RFFL: variants seen among roughly 807,000 people sequenced by gnomAD.
The protein encoded by RFFL is ring finger and FYVE like domain containing E3 ubiquitin protein ligase.
A neutral mutation model predicts 40.4 loss-of-function variants in RFFL; 16 were observed. The ratio of observed to expected loss-of-function variants is 0.40; its 90% CI spans 0.27 to 0.60. The LOEUF is 0.60. Ranked by LOEUF, RFFL falls within the 20% of genes least tolerant of loss-of-function variation. The pLI is 0.47. For missense variants in RFFL, 367 were observed against 451.7 expected (o/e 0.81, Z 1.70); for synonymous variants, 154 against 167.9 (o/e 0.92, Z 0.64).
intron 2 of RFFL, among the ~76,000 whole-genome samples, chr17:35,025,030 T>A (rs945618357): frequency 2.0e-5 from 3 of 152,194 alleles, no homozygotes; most frequent in Non-Finnish European, 4.4e-5. Flanking sequence ...TGTCACATCG[T>A]ATGGTGTGCA....
At chr17:35,058,373 T>C (rs2091272376) in intron 1 of RFFL, among the ~76,000 whole-genome samples, 1 of 152,216 alleles carries the variant, frequency 6.6e-6, no homozygotes, top group African/African-American at 2.4e-5. Flanking sequence ...TGACTCTATA[T>C]GCAGCCAAAT....
chr17:35,057,577 C>T (rs1216484472), intron 1 of RFFL, among the ~76,000 whole-genome samples: 3 of 150,384 alleles, frequency 2.0e-5, no homozygotes, highest in African/African-American at 7.4e-5. Context: ...TCAGGTAACT[C>T]CCAAAAGTGA....
Position 35,042,841 on chromosome 17 carries a change from A to AG in RFFL, c.-8-16281_-8-16280insC, listed in dbSNP as rs1437212601. On this transcript the variant is annotated intron_variant, in intron 1 of 6. Transcript: ENST00000394597. ...TCCATCTCAAAAAAAAAAAAAAAAA[A>AG]AAAGAAAAGAAAAAAGAATTCAGAA... Among the ~76,000 whole-genome samples the AG allele has an allele frequency of 4.0e-5, 6 of 151,242 alleles. No individual in the cohort carries two copies. The East Asian group carries it at 1.2e-3, about 29-fold the overall frequency.
chr17:35,069,435 G>T, intron 1 of RFFL: 1 of 430,262 alleles, frequency 2.3e-6, no homozygotes, highest in South Asian at 1.7e-5. Context: ...AGAAATAAAA[G>T]GATACGACTG....
At chr17:35,070,862 G>T (rs769161515) in intron 1 of RFFL, among the ~76,000 whole-genome samples, 2 of 152,124 alleles carry the variant, frequency 1.3e-5, no homozygotes, top group Non-Finnish European at 2.9e-5. Flanking sequence ...GTAATCTGAT[G>T]AACTTAAAAA....
chr17:35,014,561 C>G (rs143090808), intron 6 of RFFL, among the ~76,000 whole-genome samples, 179 bp downstream of exon 6: 1 of 152,168 alleles, frequency 6.6e-6, no homozygotes, highest in Non-Finnish European at 1.5e-5. Flanking sequence ...TCCTGCACAG[C>G]GAGCAGAGAG....
chr17:35,012,081 C>G lies in RFFL; in HGVS notation c.979G>C (p.Val327Leu), dbSNP rs775968102. The G allele has an allele frequency of 3.1e-6, 5 of 1,614,178 alleles. No individual in the cohort carries two copies. In the East Asian group the frequency reaches 8.9e-5, roughly 29 times the overall value. The change falls in exon 7 of 7, where the codon GTT (valine) becomes CTT (leucine). Residue 327 changes from valine (V) to leucine (L), a missense_variant. Val to Leu is a conservative substitution (Grantham distance 32). Coordinates refer to ENST00000394597, the MANE Select transcript of RFFL (RefSeq NM_001017368.2). ...KICMDSPIDCVLLECGHMVTC... is the reference protein window; with the variant it reads ...KICMDSPIDCLLLECGHMVTC... ...ACCATGTGGCCACACTCCAGAAGAA[C>G]ACAGTCAATGGGTGAGTCCATGCAG...
At chr17:35,052,889 G>C (rs2091239891) in intron 1 of RFFL, among the ~76,000 whole-genome samples, 1 of 152,222 alleles carries the variant, frequency 6.6e-6, no homozygotes, top group African/African-American at 2.4e-5. Context: ...TCAGGAAGAA[G>C]TGATTACTCC....
chr17:35,045,149 G>T (rs2091191167), intron 1 of RFFL, among the ~76,000 whole-genome samples: 1 of 152,170 alleles, frequency 6.6e-6, no homozygotes, highest in Admixed American at 6.5e-5. Context: ...CAAGGTCCTT[G>T]AATCTCATAA....
chr17:35,034,818 G>A (rs911591062), intron 1 of RFFL, among the ~76,000 whole-genome samples: 11 of 152,036 alleles, frequency 7.2e-5, no homozygotes, highest in African/African-American at 2.7e-4. Flanking sequence ...GAGCTGCCAC[G>A]CCCAGCAAAA....
Position 35,016,357 on chromosome 17 carries a change from G to C in RFFL, c.886+13C>G. On this transcript the variant is annotated intron_variant, in intron 5 of 6. Coordinates refer to ENST00000394597, the MANE Select transcript of RFFL (RefSeq NM_001017368.2). ...CTGAGCTCTGTAAAGCTACCATGCA[G>C]ATAGCCCCTCACCCAGGTGCTGGAG... The C allele has an allele frequency of 6.2e-7, 1 of 1,611,830 alleles. No homozygotes were observed. The highest frequency in any genetic ancestry group is 1.1e-5 in the South Asian group (1 of 91,034).
At chr17:35,032,094 CAAAAAAAAA>C (rs11308568) in intron 1 of RFFL, among the ~76,000 whole-genome samples, 5 of 82,170 alleles carry the variant, frequency 6.1e-5, no homozygotes, top group African/African-American at 1.8e-4. Flanking sequence ...GACTCCGTCT[CAAAAAAAAA>C]AAAAAAAAGA....
chr17:35,039,192 C>G (rs1476695642), intron 1 of RFFL, among the ~76,000 whole-genome samples: 1 of 152,034 alleles, frequency 6.6e-6, no homozygotes, highest in Non-Finnish European at 1.5e-5. Flanking sequence ...CAGACATGGG[C>G]CCCTGCACCC....
At position 35,031,146 on chromosome 17, in the gene RFFL, G is replaced by A. The variant is rs571380649; in HGVS notation, c.-8-4585C>T. On this transcript the variant is annotated intron_variant, in intron 1 of 6. Coordinates refer to ENST00000394597, the MANE Select transcript of RFFL (RefSeq NM_001017368.2). ...TTTTGGGATGGAGTCTCCTTCTGTC[G>A]CCCAGGCTGGAGTGCAGTGGCATGA... Among the ~76,000 whole-genome samples, 34 of 152,008 alleles carry A rather than the reference G, an allele frequency of 2.2e-4. No individual in the cohort carries two copies. The South Asian group carries it at 6.4e-3, about 29-fold the overall frequency.
At chr17:35,050,073 C>T (rs2091223225) in intron 1 of RFFL, among the ~76,000 whole-genome samples, 1 of 144,116 alleles carries the variant, frequency 6.9e-6, no homozygotes, top group Admixed American at 6.7e-5. Context: ...CAGAGTAAGA[C>T]TCCATCTCAA....
At chr17:35,070,345 T>C (rs1249587372) in intron 1 of RFFL, among the ~76,000 whole-genome samples, 2 of 152,124 alleles carry the variant, frequency 1.3e-5, no homozygotes, top group Admixed American at 1.3e-4. Context: ...AATTCTTTTA[T>C]TATTTGTAGA....
At chr17:35,074,644 C>T (rs1164185008) in intron 1 of RFFL, among the ~76,000 whole-genome samples, 1 of 152,160 alleles carries the variant, frequency 6.6e-6, no homozygotes, top group Non-Finnish European at 1.5e-5. Context: ...CACCTACACA[C>T]CTCATAGGAT....
upstream of RFFL, among the ~76,000 whole-genome samples, chr17:35,068,098 T>G (rs2142375021): frequency 6.6e-6 from 1 of 152,338 alleles, no homozygotes; most frequent in Admixed American, 6.5e-5. Context: ...TAATGGAATT[T>G]TTATGGCTAA....
chr17:35,028,289 C>T (rs914693119), intron 1 of RFFL, among the ~76,000 whole-genome samples: 1 of 151,858 alleles, frequency 6.6e-6, no homozygotes, highest in African/African-American at 2.4e-5. Context: ...GAGCCGAGAT[C>T]GTGCCACTGC....
Sources: gnomAD v4.1 joint callset for allele counts (sites outside exome capture counted in the v4.1 genomes callset) on GRCh38, gnomAD v4.1.1 for gene constraint, MANE v1.5 for transcripts, NCBI Gene and HGNC (gene_info 2026-07-23, HGNC 2026-07-21) for gene names.